The following CTNND1 variants were observed in gnomAD, a reference collection of about 807,000 sequenced individuals.
CTNND1 encodes catenin delta-1.
Under a neutral mutation model 112.1 loss-of-function variants are expected in CTNND1, and 16 were observed. The observed-to-expected ratio is 0.14, with a 90% CI of 0.10 to 0.22. The LOEUF is 0.22. CTNND1 is among the 10% of genes least tolerant of loss of function. CTNND1 has a pLI of 1.00. For missense variants in CTNND1, 1,008 were observed against 1,257.0 expected, an observed-to-expected ratio of 0.80 and a Z score of 3.00; for synonymous variants, 420 against 446.5, an observed-to-expected ratio of 0.94 and a Z score of 0.75.
At chr11:57,776,202 A>T (rs542948616) in intron 1 of CTNND1, among the ~76,000 whole-genome samples, 25 of 152,258 alleles carry the variant, frequency 1.6e-4, no homozygotes, top group African/African-American at 5.8e-4. Context: ...CAATTGTATT[A>T]AGTGTTTGAT....
chr11:57,767,066 G>A (rs1271740495), intron 1 of CTNND1, among the ~76,000 whole-genome samples: 2 of 151,926 alleles, frequency 1.3e-5, no homozygotes, highest in Non-Finnish European at 2.9e-5. Context: ...CCGCCTCCCG[G>A]TTTCAAGCGA....
At chr11:57,794,500 T>C (rs1201931936) in intron 4 of CTNND1, among the ~76,000 whole-genome samples, 1 of 152,096 alleles carries the variant, frequency 6.6e-6, no homozygotes, top group African/African-American at 2.4e-5. Context: ...AGTTCTTTAT[T>C]TTTGGCCAGG....
chr11:57,775,005 G>T (rs1953790594), intron 1 of CTNND1, among the ~76,000 whole-genome samples: 1 of 149,988 alleles, frequency 6.7e-6, no homozygotes, highest in Admixed American at 6.6e-5. Flanking sequence ...GAGCCACCAT[G>T]CCCAGCCTAT....
intron 17 of CTNND1, among the ~76,000 whole-genome samples, chr11:57,812,538 A>C (rs2063490705): frequency 6.6e-6 from 1 of 151,790 alleles, no homozygotes; most frequent in South Asian, 2.1e-4. Context: ...AAAAAAAATC[A>C]CTTTTATTGT....
intron 16 of CTNND1, 113 bp from the exon 17 acceptor site, chr11:57,811,286 G>C: frequency 1.3e-6 from 1 of 748,460 alleles, no homozygotes; most frequent in Non-Finnish European, 2.3e-6. Flanking sequence ...CTTATAAGTT[G>C]CTTTTTCATG....
intron 1 of CTNND1, among the ~76,000 whole-genome samples, chr11:57,771,449 A>T (rs1182202365): frequency 6.7e-6 from 1 of 149,952 alleles, no homozygotes; most frequent in African/African-American, 2.4e-5. Context: ...GGAGGGTCTC[A>T]TGTGTAAGGT....
intron 1 of CTNND1, among the ~76,000 whole-genome samples, chr11:57,767,021 G>GA (rs1951254653): frequency 6.6e-6 from 1 of 151,484 alleles, no homozygotes. Flanking sequence ...GTCCAGGCTG[G>GA]AGTGCAGTGG....
chr11:57,766,298 T>C (rs1231595017), intron 1 of CTNND1, among the ~76,000 whole-genome samples: 3 of 152,146 alleles, frequency 2.0e-5, no homozygotes, highest in Non-Finnish European at 4.4e-5. Flanking sequence ...CGTTAAGAGC[T>C]TGGGATGATA....
intron 1 of CTNND1, among the ~76,000 whole-genome samples, chr11:57,771,868 GATA>G (rs1952715351): frequency 6.6e-6 from 1 of 152,084 alleles, no homozygotes; most frequent in Admixed American, 6.6e-5. Context: ...CTTAGAGAAT[GATA>G]ATAAGGCAGC....
chr11:57,794,879 G>A (rs994574715), intron 4 of CTNND1, among the ~76,000 whole-genome samples: 9 of 141,322 alleles, frequency 6.4e-5, no homozygotes, highest in Middle Eastern at 4.2e-3. Context: ...GCAAAACTCC[G>A]TCTCAAAAAA....
At chr11:57,773,136 T>TAC (rs1452653963) in intron 1 of CTNND1, among the ~76,000 whole-genome samples, 1 of 152,184 alleles carries the variant, frequency 6.6e-6, no homozygotes, top group African/African-American at 2.4e-5. Context: ...CTTCATCATA[T>TAC]ATAGATGGTG....
intron 1 of CTNND1, among the ~76,000 whole-genome samples, chr11:57,779,276 C>A (rs1483509528): frequency 6.6e-6 from 1 of 152,186 alleles, no homozygotes; most frequent in Non-Finnish European, 1.5e-5. Context: ...TAGCAATTCT[C>A]TAATGTTTGA....
intron 16 of CTNND1, among the ~76,000 whole-genome samples, chr11:57,810,627 A>C (rs971282328): frequency 6.6e-5 from 10 of 151,914 alleles, no homozygotes; most frequent in Non-Finnish European, 1.3e-4. Flanking sequence ...ACCTGGCCTC[A>C]TGTTAAATCT....
Position 57,779,139 on chromosome 11 carries a change from G to T in CTNND1, c.-213-9898G>T, listed in dbSNP as rs550529413. 2.6e-5 allele frequency among the ~76,000 whole-genome samples: 4 copies of T among 152,226 alleles called. No homozygotes were observed. In the East Asian group the frequency reaches 7.7e-4, roughly 29 times the overall value. ...CTGTATATGTTGCAGGTACCTTGTT[G>T]GGTTTAAAAGGGACAGAAGGAAACA... On this transcript the variant is annotated intron_variant, in intron 1 of 20. Transcript: ENST00000399050.
chr11:57,790,103 G>T (rs1310694574), intron 2 of CTNND1, among the ~76,000 whole-genome samples: 1 of 152,080 alleles, frequency 6.6e-6, no homozygotes, highest in Non-Finnish European at 1.5e-5. Flanking sequence ...ATTTTTGGAG[G>T]CAGAGTCTCA....
intron 20 of CTNND1, 137 bp from the exon 21 acceptor site, chr11:57,816,160 G>A (rs564199925): frequency 2.4e-6 from 3 of 1,228,394 alleles, no homozygotes; most frequent in Admixed American, 3.7e-5. Flanking sequence ...CCTCTTACGA[G>A]TCTGGGACAT....
intron 1 of CTNND1, among the ~76,000 whole-genome samples, chr11:57,777,835 T>C (rs994203862): frequency 6.6e-6 from 1 of 152,196 alleles, no homozygotes; most frequent in Non-Finnish European, 1.5e-5. Context: ...GGGTGTTGCT[T>C]CTTTGGATTT....
intron 1 of CTNND1, among the ~76,000 whole-genome samples, chr11:57,774,367 C>T (rs1953613149): frequency 6.6e-6 from 1 of 152,204 alleles, no homozygotes; most frequent in Non-Finnish European, 1.5e-5. Flanking sequence ...CTCCAATCTG[C>T]AGTGTACAGA....
intron 4 of CTNND1, among the ~76,000 whole-genome samples, chr11:57,795,127 G>A (rs1361744001): frequency 1.3e-5 from 2 of 152,194 alleles, no homozygotes; most frequent in Admixed American, 1.3e-4. Context: ...CTGGGAGGTT[G>A]GGGCTCCAGT....
Sources: gnomAD v4.1 joint callset for allele counts (sites outside exome capture counted in the v4.1 genomes callset) on GRCh38, gnomAD v4.1.1 for gene constraint, MANE v1.5 for transcripts, NCBI Gene and HGNC (gene_info 2026-07-23, HGNC 2026-07-21) for gene names.